CCDC146: variants seen among roughly 807,000 people sequenced by gnomAD.
The protein encoded by CCDC146 is coiled-coil domain containing 146.
In CCDC146, 92 loss-of-function variants were observed where a neutral mutation model predicts 119.3. The ratio of observed to expected loss-of-function variants is 0.77; its 90% CI spans 0.65 to 0.92. The LOEUF (loss-of-function observed/expected upper bound fraction) is 0.92. CCDC146 is among the 40% of genes least tolerant of loss of function. CCDC146 has a pLI of 0.00. For synonymous variants in CCDC146, 372 were observed against 371.8 expected, an observed-to-expected ratio of 1.00 and a Z score of -0.01; for missense variants, 1,000 against 1,103.0, an observed-to-expected ratio of 0.91 and a Z score of 1.32.
intron 2 of CCDC146, among the ~76,000 whole-genome samples, chr7:77,219,346 A>G (rs753117151): frequency 2.0e-5 from 3 of 148,998 alleles, no homozygotes; most frequent in African/African-American, 4.9e-5. Context: ...TTTGTTATGT[A>G]TGGTTCTATC....
chr7:77,171,046 A>T (rs1179751815), intron 2 of CCDC146, among the ~76,000 whole-genome samples: 1 of 152,224 alleles, frequency 6.6e-6, no homozygotes, highest in East Asian at 1.9e-4. Flanking sequence ...CATATGTCGA[A>T]CTTTGCAATA....
chr7:77,164,016 T>C (rs1285352362), intron 1 of CCDC146, among the ~76,000 whole-genome samples: 3 of 151,832 alleles, frequency 2.0e-5, no homozygotes, highest in African/African-American at 7.3e-5. Flanking sequence ...CATGCCACCA[T>C]GCCTGGCTAA....
chr7:77,125,841 C>A (rs1790683822), intron 1 of CCDC146, among the ~76,000 whole-genome samples: 1 of 152,096 alleles, frequency 6.6e-6, no homozygotes, highest in Non-Finnish European at 1.5e-5. Flanking sequence ...ACAATCTTAA[C>A]TAATAACTAT....
intron 2 of CCDC146, among the ~76,000 whole-genome samples, chr7:77,217,076 A>G (rs1254083308): frequency 2.0e-5 from 3 of 152,134 alleles, no homozygotes; most frequent in Non-Finnish European, 2.9e-5. Flanking sequence ...ACAAAGGATC[A>G]GATTCATGTT....
chr7:77,135,189 CT>C (rs1385079544), intron 1 of CCDC146, among the ~76,000 whole-genome samples: 1 of 152,092 alleles, frequency 6.6e-6, no homozygotes, highest in Admixed American at 6.6e-5. Flanking sequence ...TGTTTTGAGT[CT>C]TTATTTAGAA....
At chr7:77,260,512 GTA>G (rs1240769959) in intron 8 of CCDC146, among the ~76,000 whole-genome samples, 1 of 152,176 alleles carries the variant, frequency 6.6e-6, no homozygotes, top group East Asian at 1.9e-4. Context: ...TATCACTGGA[GTA>G]TGTTATGTTC....
chr7:77,274,307 T>C (rs1365398929), intron 10 of CCDC146, among the ~76,000 whole-genome samples, 175 bp from the exon 11 acceptor site: 1 of 152,120 alleles, frequency 6.6e-6, no homozygotes, highest in African/African-American at 2.4e-5. Context: ...TGGCCTCAAG[T>C]CATCATCCTG....
intron 18 of CCDC146, among the ~76,000 whole-genome samples, chr7:77,294,233 C>T (rs17151246): frequency 0.23 from 35,141 of 152,070 alleles, 4,451 homozygotes; most frequent in South Asian, 0.42. Context: ...TTGTCAAAAA[C>T]AGGGAAATAA....
intron 17 of CCDC146, among the ~76,000 whole-genome samples, chr7:77,289,382 C>T (rs556432332): frequency 6.6e-6 from 1 of 152,314 alleles, no homozygotes; most frequent in East Asian, 1.9e-4. Flanking sequence ...CTCCCCTTTC[C>T]TTTCCCTACC....
At chr7:77,274,380 A>T in intron 10 of CCDC146, 102 bp from the exon 11 acceptor site, 1 of 834,802 alleles carries the variant, frequency 1.2e-6, no homozygotes, top group Non-Finnish European at 1.8e-6. Flanking sequence ...GTTTAAAAAA[A>T]TACATTTTGT....
intron 2 of CCDC146, among the ~76,000 whole-genome samples, chr7:77,235,712 TGA>T (rs1264983960): frequency 1.3e-5 from 2 of 152,124 alleles, no homozygotes; most frequent in South Asian, 2.1e-4. Context: ...GTGGTCCAAT[TGA>T]GAGATGATGA....
chr7:77,290,886 G>A (rs1269268897), intron 17 of CCDC146, among the ~76,000 whole-genome samples: 1 of 152,206 alleles, frequency 6.6e-6, no homozygotes, highest in Non-Finnish European at 1.5e-5. Flanking sequence ...GCTCTGTTAG[G>A]AGAGGAAGGT....
intron 3 of CCDC146, among the ~76,000 whole-genome samples, chr7:77,238,381 C>A (rs1453623979): frequency 6.6e-6 from 1 of 152,178 alleles, no homozygotes; most frequent in Non-Finnish European, 1.5e-5. Context: ...ATCCTCTTTG[C>A]AGATACAAGG....
chr7:77,200,689 T>C (rs1296229680), intron 2 of CCDC146, among the ~76,000 whole-genome samples: 1 of 152,252 alleles, frequency 6.6e-6, no homozygotes, highest in African/African-American at 2.4e-5. Flanking sequence ...GTCTCCACGC[T>C]GGTTCTTCTA....
intron 11 of CCDC146, 110 bp downstream of exon 11, chr7:77,274,762 G>C (rs2150535029): frequency 1.2e-6 from 1 of 808,002 alleles, no homozygotes; most frequent in East Asian, 2.7e-5. Context: ...ATCATTGTCA[G>C]CAAACTATCG....
chr7:77,250,913 G>T (rs1401061941), intron 4 of CCDC146, among the ~76,000 whole-genome samples: 1 of 142,662 alleles, frequency 7.0e-6, no homozygotes, highest in Admixed American at 7.3e-5. Context: ...AGTTCGTTCT[G>T]TTAGTAAGCC....
intron 2 of CCDC146, among the ~76,000 whole-genome samples, chr7:77,204,471 C>A (rs1427702725): frequency 6.6e-6 from 1 of 152,100 alleles, no homozygotes; most frequent in Non-Finnish European, 1.5e-5. Context: ...AGAAGTCTTC[C>A]AATATGGACC....
intron 1 of CCDC146, among the ~76,000 whole-genome samples, chr7:77,166,488 A>G (rs1443590264): frequency 2.6e-5 from 4 of 151,548 alleles, no homozygotes; most frequent in Non-Finnish European, 5.9e-5. Flanking sequence ...TCAATTAAAA[A>G]TGAAATTACA....
intron 2 of CCDC146, among the ~76,000 whole-genome samples, chr7:77,168,302 T>C (rs575049193): frequency 6.6e-6 from 1 of 151,924 alleles, no homozygotes; most frequent in Non-Finnish European, 1.5e-5. Context: ...TCTCATTATG[T>C]GAACTTTAAA....
Sources: allele counts gnomAD v4.1 joint callset (sites outside exome capture counted in the v4.1 genomes callset), GRCh38; gene constraint gnomAD v4.1.1; transcripts MANE v1.5; gene names NCBI Gene and HGNC (gene_info 2026-07-23, HGNC 2026-07-21).